The following TP53BP2 variants were observed in gnomAD, a reference collection of about 807,000 sequenced individuals.
The protein encoded by TP53BP2 is apoptosis-stimulating of p53 protein 2.
TP53BP2 carries 62 observed loss-of-function variants against 126.2 expected under a neutral mutation model. The ratio of observed to expected loss-of-function variants is 0.49; its 90% CI spans 0.40 to 0.61. TP53BP2 has a LOEUF of 0.61. Among genes scored for constraint, TP53BP2 ranks in the 20% least tolerant of loss-of-function variants. The probability of loss-of-function intolerance (pLI) is 0.00; values close to 1 mark genes in which losing one functional copy is unlikely to be tolerated. For synonymous variants in TP53BP2, 485 were observed against 502.9 expected, an observed-to-expected ratio of 0.96 and a Z score of 0.48; for missense variants, 1,215 against 1,402.8, an observed-to-expected ratio of 0.87 and a Z score of 2.14.
chr1:223,782,546 G>A (rs545407754), intron 17 of TP53BP2, among the ~76,000 whole-genome samples: 2 of 152,216 alleles, frequency 1.3e-5, no homozygotes, highest in Admixed American at 6.5e-5. Flanking sequence ...GCAGTGGCAC[G>A]ATCTCGGCTC....
intron 15 of TP53BP2, 117 bp from the exon 16 acceptor site, chr1:223,789,291 C>T: frequency 1.7e-6 from 2 of 1,190,496 alleles, no homozygotes. Context: ...CTTCTGAAAA[C>T]CTCTTAAACA....
intron 11 of TP53BP2, 124 bp downstream of exon 11, chr1:223,799,775 T>C: frequency 1.2e-6 from 1 of 845,590 alleles, no homozygotes; most frequent in South Asian, 3.6e-5. Flanking sequence ...AATGCTAATG[T>C]ATTTTCTAAT....
At chr1:223,819,439 C>T (rs575054383) in intron 2 of TP53BP2, among the ~76,000 whole-genome samples, 2 of 152,168 alleles carry the variant, frequency 1.3e-5, no homozygotes, top group East Asian at 3.9e-4. Context: ...GTAATCCCAG[C>T]GCTTTGGGAG....
At position 223,821,361 on chromosome 1, in the gene TP53BP2, G is replaced by A; in HGVS notation, c.34C>T (p.Leu12Phe). Residue 12 changes from leucine to phenylalanine, a missense_variant, in exon 2 of 18, where the codon CTT becomes TTT. By Grantham distance (22) the Leu-to-Phe change is conservative. Coordinates refer to ENST00000343537, the MANE Select transcript of TP53BP2 (RefSeq NM_001031685.3). Reference protein sequence around the residue: ...RFGSKMMPMFLTVYLSNNEQH... With the variant: ...RFGSKMMPMFFTVYLSNNEQH... ...TCATTGTTACTGAGATACACGGTAA[G>A]AAACATCTAAAAATTAAGAGAGAAA... is the stretch of plus-strand genomic sequence containing the variant. 1 of 1,614,006 alleles carries A rather than the reference G, an allele frequency of 6.2e-7. No homozygotes were observed. The highest frequency in any genetic ancestry group is 8.5e-7 in the Non-Finnish European group (1 of 1,179,870).
chr1:223,796,590 A>G lies in TP53BP2; in HGVS notation c.1949T>C (p.Val650Ala), dbSNP rs1359464894. ...THTRGPHFSS[V>A]YGKPVIAAAQ... ...AGCAGCAATTACAGGCTTACCATAT[A>G]CTAATTGGAAAAGGAAAAAAAAAAG... is the stretch of plus-strand genomic sequence containing the variant. Residue 650 changes from valine to alanine, a missense_variant and splice_region_variant, in exon 13 of 18, where the codon GTA (valine) becomes GCA (alanine). By Grantham distance (64) the Val-to-Ala change is moderately conservative (BLOSUM62 0). This residue lies in a region of TP53BP2 where 814 missense variants were observed against 853.0 expected (regional missense o/e 0.95). Transcript: ENST00000343537. This position sits in a 1 kb window ranked among gnomAD's most constrained non-coding sequence, Gnocchi z 4.2. 1.3e-6 allele frequency: 2 copies of G among 1,552,918 alleles called. No individual in the cohort carries two copies. The highest frequency in any genetic ancestry group is 2.2e-5 in the Admixed American group (1 of 46,494).
intron 1 of TP53BP2, among the ~76,000 whole-genome samples, chr1:223,844,945 G>A (rs571964895): frequency 3.2e-4 from 48 of 152,260 alleles, no homozygotes; most frequent in African/African-American, 1.1e-3. Context: ...CCTCCATTCC[G>A]CGATCGCTGA....
chr1:223,837,505 C>T (rs556636036), intron 1 of TP53BP2, among the ~76,000 whole-genome samples: 60 of 152,268 alleles, frequency 3.9e-4, no homozygotes, highest in Middle Eastern at 6.8e-3. Flanking sequence ...TGTTTCTCCT[C>T]TCACCCCTGG....
chr1:223,815,078 TGAG>T (rs373615212), intron 2 of TP53BP2, among the ~76,000 whole-genome samples: 161 of 152,286 alleles, frequency 1.1e-3, no homozygotes, highest in Middle Eastern at 3.4e-3. Context: ...ACACACTGTT[TGAG>T]GAGGCAATTG....
At chr1:223,785,546 A>G (rs1661923631) in intron 16 of TP53BP2, among the ~76,000 whole-genome samples, 1 of 152,242 alleles carries the variant, frequency 6.6e-6, no homozygotes, top group South Asian at 2.1e-4. Context: ...TATACTCAAA[A>G]TAACAGCTCA....
intron 17 of TP53BP2, among the ~76,000 whole-genome samples, chr1:223,781,830 C>G: frequency 6.6e-6 from 1 of 151,608 alleles, no homozygotes; most frequent in East Asian, 1.9e-4. Context: ...GGAAAACAAA[C>G]CAAAAAAGTG....
rs185621714 is a variant in TP53BP2, at chr1:223,800,247, G to A, written c.1337-200C>T. Among the ~76,000 whole-genome samples, 586 of 151,914 alleles carry A rather than the reference G, an allele frequency of 3.9e-3. 1 individual carries two copies. The highest frequency in any genetic ancestry group is 0.013 in the African/African-American group (550 of 41,236). On this transcript the variant is annotated intron_variant, in intron 10 of 17. Coordinates refer to ENST00000343537, the MANE Select transcript of TP53BP2 (RefSeq NM_001031685.3). ...TTCTCCAGCTAAATTAAGGTGTTCTGGAAATAAATATTGTTAAATATTGTC... is the reference window on the plus strand; with the variant it reads ...TTCTCCAGCTAAATTAAGGTGTTCTAGAAATAAATATTGTTAAATATTGTC...
intron 1 of TP53BP2, among the ~76,000 whole-genome samples, chr1:223,827,192 G>A: frequency 6.6e-6 from 1 of 152,196 alleles, no homozygotes; most frequent in East Asian, 1.9e-4. Context: ...AAGCCTGGAT[G>A]AGAGCAGCTA....
Position 223,784,252 on chromosome 1 carries a change from G to T in TP53BP2, c.3226C>A (p.Pro1076Thr). ...GVIYALWDYE[P>T]QNDDELPMKE... ...ATGGGCAGCTCATCATCATTCTGAG[G>T]TTCATAATCCCAAAGCGCATAAATG... The change falls in exon 17 of 18, where the codon CCT (proline) becomes ACT (threonine). Residue 1076 changes from proline (P) to threonine (T), a missense_variant. Pro to Thr is a conservative substitution (Grantham distance 38). Transcript: ENST00000343537. 6.2e-7 allele frequency: 1 copy of T among 1,614,058 alleles called. No individual in the cohort carries two copies. The highest frequency in any genetic ancestry group is 8.5e-7 in the Non-Finnish European group (1 of 1,180,008).
intron 3 of TP53BP2, among the ~76,000 whole-genome samples, chr1:223,812,847 C>A (rs1662958204): frequency 6.6e-6 from 1 of 152,154 alleles, no homozygotes; most frequent in African/African-American, 2.4e-5. Context: ...CAGGCGTGAG[C>A]CACCATACCC....
chr1:223,799,893 A>G lies in TP53BP2; in HGVS notation c.1485+6T>C, dbSNP rs1330924380. 1 of 1,568,090 alleles carries G rather than the reference A, an allele frequency of 6.4e-7. No individual in the cohort carries two copies. The highest frequency in any genetic ancestry group is 8.6e-7 in the Non-Finnish European group (1 of 1,164,828). ...AAATTTTAAAAACCAGGATATTTGT[A>G]GGTACCTGAGCATCCCGCAAGATAT... On this transcript the variant is annotated splice_donor_region_variant and intron_variant, in intron 11 of 17. Coordinates refer to ENST00000343537, the MANE Select transcript of TP53BP2 (RefSeq NM_001031685.3).
At chr1:223,845,604 G>C in intron 1 of TP53BP2, 50 bp downstream of exon 1, 3 of 1,518,100 alleles carry the variant, frequency 2.0e-6, no homozygotes, top group East Asian at 2.7e-5. Flanking sequence ...CCCCCGGCAC[G>C]CGACCCCGCA....
Position 223,790,009 on chromosome 1 carries a change from C to G in TP53BP2, c.2997-835G>C, listed in dbSNP as rs368315576. On this transcript the variant is annotated intron_variant, in intron 15 of 17. Coordinates refer to ENST00000343537, the MANE Select transcript of TP53BP2 (RefSeq NM_001031685.3). ...ACTTGAAAAAAAAATTTAGACCAGG[C>G]GCAGTGGCTCCCAGCACTTTGGGAG... Among the ~76,000 whole-genome samples the G allele has an allele frequency of 2.3e-3, 343 of 152,168 alleles. 2 individuals are homozygous for G. The highest frequency in any genetic ancestry group is 8.0e-3 in the African/African-American group (331 of 41,522).
At chr1:223,781,594 A>G (rs1241309488) in intron 17 of TP53BP2, among the ~76,000 whole-genome samples, 1 of 152,248 alleles carries the variant, frequency 6.6e-6, no homozygotes, top group Non-Finnish European at 1.5e-5. Context: ...TTACTCAAAG[A>G]AAGTAGAAGC....
intron 8 of TP53BP2, 77 bp from the exon 9 acceptor site, chr1:223,802,421 T>C: frequency 7.2e-7 from 1 of 1,391,106 alleles, no homozygotes; most frequent in Admixed American, 2.3e-5. Flanking sequence ...GATGTGACAT[T>C]TTCTTACTTT....
Sources: gnomAD v4.1 joint callset for allele counts (sites outside exome capture counted in the v4.1 genomes callset) on GRCh38, gnomAD v4.1.1 for gene constraint, gnomAD v4.1.1 regional missense constraint, Gnocchi (gnomAD v3.1) non-coding constraint, MANE v1.5 for transcripts, NCBI Gene and HGNC (gene_info 2026-07-23, HGNC 2026-07-21) for gene names.